Variants in NAA11 observed in about 807,000 individuals in gnomAD.
The protein encoded by NAA11 is N-alpha-acetyltransferase 11.
Under a neutral mutation model 16.1 loss-of-function variants are expected in NAA11, and 15 were observed. The observed-to-expected ratio is 0.93, with a 90% CI of 0.62 to 1.44. NAA11 has a LOEUF of 1.44. Ranked by LOEUF, NAA11 falls within the 40% of genes most tolerant of loss-of-function variation. The pLI, the probability that NAA11 is intolerant of heterozygous loss-of-function variation, is 0.00. For missense variants in NAA11, 298 were observed against 291.3 expected, an observed-to-expected ratio of 1.02 and a Z score of -0.17; for synonymous variants, 122 against 112.4, an observed-to-expected ratio of 1.09 and a Z score of -0.54.
At chr4:79,296,821 A>G (rs1333899164) in intron 1 of NAA11, among the ~76,000 whole-genome samples, 1 of 152,152 alleles carries the variant, frequency 6.6e-6, no homozygotes, top group East Asian at 1.9e-4. Flanking sequence ...TAGACCACTG[A>G]ATGTTTTTCC....
At chr4:79,205,883 T>A in the NAA11 span, among the ~76,000 whole-genome samples, 140 of 152,150 alleles carry the variant, frequency 9.2e-4, 1 homozygote, top group South Asian at 0.013. Context: ...TTTCCCAGTA[T>A]ATTTTTTGTC....
At chr4:79,202,623 T>TTATATATATATATATATATA in the NAA11 span, among the ~76,000 whole-genome samples, 2,537 of 52,286 alleles carry the variant, frequency 0.049, 352 homozygotes, top group East Asian at 0.13. Context: ...ATATATAGTT[T>TTATATATATATATATATATA]TATATATATA....
intron 2 of NAA11, among the ~76,000 whole-genome samples, chr4:79,231,363 C>A (rs1040097598): frequency 3.3e-5 from 5 of 151,772 alleles, no homozygotes; most frequent in African/African-American, 7.3e-5. Flanking sequence ...CTTTACAATA[C>A]TAAAAAGGAT....
Position 79,325,991 on chromosome 4 carries a change from G to A in NAA11, c.-114C>T. ...CGAGTCCAGGGGGCTAACACCACCG[G>A]GCTGAATCGTGTGGAGGGCGGATGG... On this transcript the variant is annotated 5_prime_UTR_variant, in exon 1 of 2. Transcript: ENST00000286794. 1 of 870,342 alleles carries A rather than the reference G, an allele frequency of 1.1e-6. No individual in the cohort carries two copies. Among genetic ancestry groups the A allele is most frequent in the Non-Finnish European group, 1.8e-6 (1 of 565,588 alleles). The allele number at this position is 870,342 out of a possible 1,614,324, so 53.9% of individuals were successfully genotyped here.
At chr4:79,281,849 A>G (rs1014028801) in intron 2 of NAA11, among the ~76,000 whole-genome samples, 3 of 152,148 alleles carry the variant, frequency 2.0e-5, no homozygotes, top group African/African-American at 4.8e-5. Flanking sequence ...ACTAAACACC[A>G]TGGCTGCAGG....
chr4:79,225,857 G>A (rs1354830205), exon 3 of NAA11: 2 of 151,920 alleles, frequency 1.3e-5, no homozygotes, highest in Non-Finnish European at 2.9e-5. Context: ...AAAAGCTGCC[G>A]GCAAACTGGT....
At chr4:79,188,784 G>A in the NAA11 span, among the ~76,000 whole-genome samples, 1 of 152,066 alleles carries the variant, frequency 6.6e-6, no homozygotes, top group African/African-American at 2.4e-5. Flanking sequence ...ATTTGCTGTT[G>A]AATTTCAGAA....
At chr4:79,189,152 A>AAAAAAAAAAAAAAAAAAAAAAAAAAAAAC in the NAA11 span, among the ~76,000 whole-genome samples, 1 of 147,008 alleles carries the variant, frequency 6.8e-6, no homozygotes, top group Non-Finnish European at 1.5e-5. Flanking sequence ...TCTCAAAAAA[A>AAAAAAAAAAAAAAAAAAAAAAAAAAAAAC]AAAAAAAAAA....
At chr4:79,215,620 G>T in the NAA11 span, among the ~76,000 whole-genome samples, 1 of 152,102 alleles carries the variant, frequency 6.6e-6, no homozygotes, top group Non-Finnish European at 1.5e-5. Flanking sequence ...CACAATTGTC[G>T]CTTTCTGCCT....
chr4:79,243,689 C>G (rs1721743319), intron 2 of NAA11, among the ~76,000 whole-genome samples: 1 of 152,084 alleles, frequency 6.6e-6, no homozygotes, highest in Non-Finnish European at 1.5e-5. Context: ...CTTGCCTCCT[C>G]AGAAGAAAGA....
chr4:79,324,671 T>C (rs1296210975), intron 1 of NAA11, among the ~76,000 whole-genome samples: 2 of 152,202 alleles, frequency 1.3e-5, no homozygotes, highest in Admixed American at 1.3e-4. Context: ...GAGACACATA[T>C]TTGTCTCCAC....
chr4:79,183,757 C>T, the NAA11 span, among the ~76,000 whole-genome samples: 17 of 152,088 alleles, frequency 1.1e-4, no homozygotes, highest in South Asian at 3.1e-3. Context: ...TTGTTTTCCT[C>T]TTCCTAAGGA....
intron 2 of NAA11, among the ~76,000 whole-genome samples, chr4:79,262,177 A>C (rs575457605): frequency 6.6e-6 from 1 of 152,294 alleles, no homozygotes; most frequent in East Asian, 1.9e-4. Context: ...ATAATTTCCA[A>C]TTATGTTAGT....
intron 1 of NAA11, among the ~76,000 whole-genome samples, chr4:79,302,201 C>T (rs1723409724): frequency 6.6e-6 from 1 of 152,128 alleles, no homozygotes. Flanking sequence ...AATTATATTA[C>T]AGATTTCTGC....
At chr4:79,188,860 T>G in the NAA11 span, among the ~76,000 whole-genome samples, 2 of 151,774 alleles carry the variant, frequency 1.3e-5, no homozygotes, top group Non-Finnish European at 2.9e-5. Context: ...CAAGACAAAA[T>G]GAATGAAGGG....
intron 2 of NAA11, among the ~76,000 whole-genome samples, chr4:79,258,111 C>G (rs1406489296): frequency 6.6e-6 from 1 of 152,360 alleles, no homozygotes; most frequent in Non-Finnish European, 1.5e-5. Context: ...GAGCCCTGTC[C>G]CTTCCAAGTT....
At chr4:79,202,672 G>A in the NAA11 span, among the ~76,000 whole-genome samples, 2 of 52,112 alleles carry the variant, frequency 3.8e-5, no homozygotes, top group Admixed American at 2.4e-4. Flanking sequence ...TTCAGGATAG[G>A]TGAACCACCA....
chr4:79,240,634 T>G (rs147848630), intron 2 of NAA11, among the ~76,000 whole-genome samples: 3 of 152,238 alleles, frequency 2.0e-5, no homozygotes, highest in Admixed American at 2.0e-4. Context: ...AATGATTCCA[T>G]TGAATGGGGA....
chr4:79,258,951 AC>A, intron 2 of NAA11: 1 of 212,674 alleles, frequency 4.7e-6, no homozygotes, highest in South Asian at 6.3e-5. Flanking sequence ...CATCAGGATG[AC>A]CAGCTGCAGA....
Sources: allele counts gnomAD v4.1 joint callset (sites outside exome capture counted in the v4.1 genomes callset), GRCh38; gene constraint gnomAD v4.1.1; transcripts MANE v1.5; gene names NCBI Gene and HGNC (gene_info 2026-07-23, HGNC 2026-07-21).